The following ZNF143 variants were observed in gnomAD, a reference collection of about 807,000 sequenced individuals.
ZNF143 encodes zinc finger protein 143, also known as SPH-binding factor.
ZNF143 carries 49 observed loss-of-function variants against 74.1 expected under a neutral mutation model. That is an observed-to-expected ratio of 0.66 (90% confidence interval 0.53 to 0.84). The LOEUF (loss-of-function observed/expected upper bound fraction) is 0.84, where lower values mean the gene tolerates loss of function less well. Ranked by LOEUF, ZNF143 falls within the 40% of genes least tolerant of loss-of-function variation. ZNF143 has a pLI of 0.00. For missense variants in ZNF143, 637 were observed against 793.4 expected, an observed-to-expected ratio of 0.80 and a Z score of 2.37; for synonymous variants, 304 against 282.8, an observed-to-expected ratio of 1.07 and a Z score of -0.75.
chr11:9,525,626 A>G, intron 15 of ZNF143: 2 of 530,904 alleles, frequency 3.8e-6, no homozygotes, highest in Admixed American at 6.2e-5. Flanking sequence ...ACCTTCAGGT[A>G]TATATCCCTG....
chr11:9,461,461 G>A (rs1314510836), intron 1 of ZNF143, among the ~76,000 whole-genome samples: 1 of 152,152 alleles, frequency 6.6e-6, no homozygotes, highest in Non-Finnish European at 1.5e-5. Flanking sequence ...CGAGTCCCCA[G>A]GCGCCGCCGA....
chr11:9,513,231 GTCTTCCTCTT>G (rs1465467580), intron 13 of ZNF143, among the ~76,000 whole-genome samples: 3 of 152,126 alleles, frequency 2.0e-5, no homozygotes, highest in African/African-American at 7.2e-5. Flanking sequence ...ACCCTTCTGT[GTCTTCCTCTT>G]TCATGGAGAA....
chr11:9,525,518 T>C, intron 15 of ZNF143, 132 bp downstream of exon 15: 2 of 1,226,194 alleles, frequency 1.6e-6, no homozygotes, highest in South Asian at 1.3e-5. Context: ...TAGCCTACTT[T>C]AAGGAAATCG....
intron 5 of ZNF143, among the ~76,000 whole-genome samples, chr11:9,477,498 G>A (rs941015014): frequency 6.6e-6 from 1 of 151,972 alleles, no homozygotes; most frequent in Non-Finnish European, 1.5e-5. Flanking sequence ...CTTGTGATCC[G>A]CCTGGCTTGG....
At chr11:9,502,666 A>G (rs1168651151) in intron 11 of ZNF143, among the ~76,000 whole-genome samples, 1 of 151,926 alleles carries the variant, frequency 6.6e-6, no homozygotes, top group African/African-American at 2.4e-5. Flanking sequence ...AGGTTGTGCA[A>G]CCATCACCAC....
At chr11:9,489,665 G>A (rs565307094) in intron 7 of ZNF143, among the ~76,000 whole-genome samples, 2 of 152,276 alleles carry the variant, frequency 1.3e-5, no homozygotes, top group African/African-American at 4.8e-5. Flanking sequence ...ATTTGCTGCC[G>A]CTACCTAGTC....
intron 15 of ZNF143, 70 bp downstream of exon 15, chr11:9,525,456 G>A (rs762579558): frequency 4.4e-6 from 7 of 1,592,136 alleles, no homozygotes; most frequent in Non-Finnish European, 6.0e-6. Context: ...TGTACACTGT[G>A]CTTCGTGTAT....
At chr11:9,466,301 T>G (rs1856209422) in intron 1 of ZNF143, among the ~76,000 whole-genome samples, 1 of 146,300 alleles carries the variant, frequency 6.8e-6, no homozygotes, top group Non-Finnish European at 1.5e-5. Context: ...TTCTTTTCTT[T>G]TCTTTTTTTT....
At chr11:9,503,239 C>T (rs1427337959) in intron 11 of ZNF143, among the ~76,000 whole-genome samples, 1 of 131,612 alleles carries the variant, frequency 7.6e-6, no homozygotes, top group Non-Finnish European at 1.8e-5. Context: ...TTTGTTTATT[C>T]ACCAGTTGTT....
Position 9,462,316 on chromosome 11 carries a change from A to G in ZNF143, c.-8+1240A>G, listed in dbSNP as rs139914501. ...TTTATTTTTTAAAATAGCTTTAGTG[A>G]TGTAATTCACATACCTTACAGTTCA... On this transcript the variant is annotated intron_variant, in intron 1 of 15. Transcript: ENST00000396602. Among the ~76,000 whole-genome samples the G allele has an allele frequency of 1.5e-3, 226 of 149,774 alleles. 2 individuals are homozygous for G. Among genetic ancestry groups the G allele is most frequent in the African/African-American group, 5.2e-3 (212 of 40,504 alleles).
chr11:9,464,455 G>T (rs11042373), intron 1 of ZNF143, among the ~76,000 whole-genome samples: 17,513 of 151,944 alleles, frequency 0.12, 1,301 homozygotes, highest in Admixed American at 0.16. Context: ...ACAAAAATTA[G>T]CCAGGTGGGG....
intron 1 of ZNF143, chr11:9,462,164 G>T (rs1450319410): frequency 6.6e-6 from 1 of 151,598 alleles, no homozygotes; most frequent in South Asian, 2.1e-4. Context: ...TTGTCCTGGC[G>T]TATTTTGACT....
At chr11:9,521,860 G>C (rs1181655563) in intron 14 of ZNF143, among the ~76,000 whole-genome samples, 3 of 151,836 alleles carry the variant, frequency 2.0e-5, no homozygotes, top group Admixed American at 2.0e-4. Flanking sequence ...GAGGTCAGGA[G>C]TTCAAGACCA....
intron 12 of ZNF143, 103 bp from the exon 13 acceptor site, chr11:9,512,345 T>C: frequency 1.4e-6 from 2 of 1,423,694 alleles, no homozygotes; most frequent in Non-Finnish European, 1.9e-6. Flanking sequence ...ATATAATACA[T>C]GTACATTTTA....
At chr11:9,502,241 CTTTTTTTTTTTTT>C (rs1183629630) in intron 11 of ZNF143, among the ~76,000 whole-genome samples, 9 of 56,968 alleles carry the variant, frequency 1.6e-4, no homozygotes, top group Non-Finnish European at 2.1e-4. Context: ...TGGCCATATT[CTTTTTTTTTTTTT>C]TTTTTTTTTT....
chr11:9,487,430 G>A, intron 7 of ZNF143, among the ~76,000 whole-genome samples: 1 of 151,470 alleles, frequency 6.6e-6, no homozygotes, highest in Admixed American at 6.6e-5. Flanking sequence ...CATGATCTCA[G>A]CTCACTGCAA....
intron 14 of ZNF143, among the ~76,000 whole-genome samples, chr11:9,518,892 A>AT (rs1028819387): frequency 2.0e-5 from 3 of 152,230 alleles, no homozygotes; most frequent in African/African-American, 7.2e-5. Flanking sequence ...TGCATTGAGG[A>AT]TTTTTTAAAA....
At chr11:9,516,179 T>G (rs775365942) in intron 13 of ZNF143, 22 bp from the exon 14 acceptor site, 2 of 1,611,330 alleles carry the variant, frequency 1.2e-6, no homozygotes, top group Admixed American at 1.7e-5. Flanking sequence ...TTGACTGCTT[T>G]GTAAAATTCA....
In ZNF143 at chr11:9,516,101, C is replaced by G; in HGVS notation, c.1525-100C>G. ...TCATTCTAAAAGGCTTATTTACATC[C>G]ACAGGGCAAACTTATACAAGGATTA... On this transcript the variant is annotated intron_variant, in intron 13 of 15. Coordinates refer to ENST00000396602, the MANE Select transcript of ZNF143 (RefSeq NM_003442.6). 7 of 1,075,940 alleles carry G rather than the reference C, an allele frequency of 6.5e-6. No homozygotes were observed. In the East Asian group the frequency reaches 1.5e-4, roughly 23 times the overall value. The allele number at this position is 1,075,940 out of a possible 1,614,324, so 66.6% of individuals were successfully genotyped here. A position where few individuals can be genotyped will look rare whatever the true frequency, so the allele number is the denominator to read the frequency against.
Sources: allele counts gnomAD v4.1 joint callset (sites outside exome capture counted in the v4.1 genomes callset), GRCh38; gene constraint gnomAD v4.1.1; transcripts MANE v1.5; gene names NCBI Gene and HGNC (gene_info 2026-07-23, HGNC 2026-07-21).